The following HS6ST3 variants were observed in gnomAD, a reference collection of about 807,000 sequenced individuals.
The protein encoded by HS6ST3 is heparan sulfate 6-O-sulfotransferase 3, also known as heparan-sulfate 6-O-sulfotransferase 3.
A neutral mutation model predicts 36.7 loss-of-function variants in HS6ST3; 12 were observed. That is an observed-to-expected ratio of 0.33 (90% CI 0.21 to 0.53). The LOEUF is 0.53. Ranked by LOEUF, HS6ST3 falls within the 20% of genes least tolerant of loss-of-function variation. HS6ST3 has a pLI of 0.95. For missense variants in HS6ST3, 584 were observed against 640.9 expected (o/e 0.91, Z 0.96); for synonymous variants, 240 against 257.5 (o/e 0.93, Z 0.65).
At chr13:96,593,264 A>G (rs1268882509) in intron 1 of HS6ST3, among the ~76,000 whole-genome samples, 2 of 129,252 alleles carry the variant, frequency 1.5e-5, no homozygotes, top group Non-Finnish European at 3.1e-5. Flanking sequence ...GTTCACTGCA[A>G]CCTCTGCCTC....
intron 1 of HS6ST3, among the ~76,000 whole-genome samples, chr13:96,682,799 T>C (rs1005623377): frequency 1.3e-5 from 2 of 152,126 alleles, no homozygotes; most frequent in Admixed American, 1.3e-4. Context: ...TTGATGGATT[T>C]TTCCCATGTC....
At chr13:96,744,670 A>C (rs1345265048) in intron 1 of HS6ST3, among the ~76,000 whole-genome samples, 1 of 152,064 alleles carries the variant, frequency 6.6e-6, no homozygotes, top group African/African-American at 2.4e-5. Context: ...TTGATGAACC[A>C]GATTTTTAAT....
chr13:96,477,415 G>A (rs2055869281), intron 1 of HS6ST3, among the ~76,000 whole-genome samples: 1 of 152,192 alleles, frequency 6.6e-6, no homozygotes, highest in African/African-American at 2.4e-5. Flanking sequence ...ACACTAGTGA[G>A]ATTTTATGTT....
chr13:96,825,733 G>A (rs1214472577), intron 1 of HS6ST3, among the ~76,000 whole-genome samples: 1 of 152,212 alleles, frequency 6.6e-6, no homozygotes, highest in Non-Finnish European at 1.5e-5. Context: ...TCCTGCTCCA[G>A]TCTATGCCCT....
chr13:96,181,131 T>G (rs923622173), intron 1 of HS6ST3, among the ~76,000 whole-genome samples: 11 of 152,226 alleles, frequency 7.2e-5, no homozygotes, highest in Non-Finnish European at 1.6e-4. Flanking sequence ...GAGAAATACT[T>G]TATCTTATTA....
chr13:96,229,982 G>A (rs1417806442), intron 1 of HS6ST3, among the ~76,000 whole-genome samples: 2 of 152,178 alleles, frequency 1.3e-5, no homozygotes, highest in Non-Finnish European at 2.9e-5. Flanking sequence ...TACAGTACAT[G>A]CGGAGTTAGG....
chr13:96,701,702 G>A (rs1414992841), intron 1 of HS6ST3, among the ~76,000 whole-genome samples: 3 of 152,156 alleles, frequency 2.0e-5, no homozygotes, highest in African/African-American at 7.2e-5. Flanking sequence ...TCTCACGCCT[G>A]TAGTCCCAGC....
At chr13:96,411,840 TA>T (rs1217128386) in intron 1 of HS6ST3, among the ~76,000 whole-genome samples, 19 of 151,952 alleles carry the variant, frequency 1.3e-4, no homozygotes, top group African/African-American at 3.6e-4. Context: ...GATAGATGAA[TA>T]GGGGGAGTGA....
At chr13:96,693,722 C>T (rs1229598145) in intron 1 of HS6ST3, among the ~76,000 whole-genome samples, 4 of 152,140 alleles carry the variant, frequency 2.6e-5, no homozygotes, top group Non-Finnish European at 2.9e-5. Flanking sequence ...TAGGCAGAGT[C>T]GGTGTGACAC....
chr13:96,723,496 C>T (rs972069399), intron 1 of HS6ST3, among the ~76,000 whole-genome samples: 1 of 152,258 alleles, frequency 6.6e-6, no homozygotes, highest in Non-Finnish European at 1.5e-5. Context: ...CTTGTTAAGC[C>T]GCTGTTATTT....
chr13:96,745,631 T>C (rs911717156), intron 1 of HS6ST3, among the ~76,000 whole-genome samples: 1 of 152,076 alleles, frequency 6.6e-6, no homozygotes, highest in Non-Finnish European at 1.5e-5. Context: ...ACCAGACCTT[T>C]TTGTAAAGGG....
At chr13:96,811,791 A>G (rs1418796321) in intron 1 of HS6ST3, among the ~76,000 whole-genome samples, 1 of 152,258 alleles carries the variant, frequency 6.6e-6, no homozygotes, top group African/African-American at 2.4e-5. Flanking sequence ...AAATTCAAAG[A>G]TGAAAGCATG....
At chr13:96,112,301 A>G in intron 1 of HS6ST3, among the ~76,000 whole-genome samples, 1 of 152,098 alleles carries the variant, frequency 6.6e-6, no homozygotes, top group East Asian at 1.9e-4. Context: ...TGAATTTAAT[A>G]GTTAAAGAAA....
At chr13:96,143,879 G>C (rs2054043731) in intron 1 of HS6ST3, among the ~76,000 whole-genome samples, 1 of 152,152 alleles carries the variant, frequency 6.6e-6, no homozygotes, top group Admixed American at 6.6e-5. Context: ...CAAGTTAGAT[G>C]AGTCAATGTT....
chr13:96,641,728 GT>G (rs1178761872), intron 1 of HS6ST3, among the ~76,000 whole-genome samples: 4 of 151,336 alleles, frequency 2.6e-5, no homozygotes, highest in African/African-American at 9.7e-5. Flanking sequence ...TTATAACAAG[GT>G]AGTTTGGATT....
intron 1 of HS6ST3, among the ~76,000 whole-genome samples, chr13:96,705,654 C>G (rs1258762878): frequency 2.6e-5 from 4 of 152,178 alleles, no homozygotes; most frequent in African/African-American, 9.7e-5. Flanking sequence ...CTCCCTATTT[C>G]TCATCCTCAA....
intron 1 of HS6ST3, among the ~76,000 whole-genome samples, chr13:96,685,857 T>C (rs902314564): frequency 6.6e-6 from 1 of 152,042 alleles, no homozygotes; most frequent in Non-Finnish European, 1.5e-5. Context: ...CATGCCACTT[T>C]CATTCCCTGA....
chr13:96,574,747 C>T (rs538024376), intron 1 of HS6ST3, among the ~76,000 whole-genome samples: 3 of 152,132 alleles, frequency 2.0e-5, no homozygotes, highest in Non-Finnish European at 2.9e-5. Flanking sequence ...GACTGGGGCT[C>T]CTCCCTGACT....
intron 1 of HS6ST3, among the ~76,000 whole-genome samples, chr13:96,453,822 A>C (rs2055741700): frequency 6.6e-6 from 1 of 152,144 alleles, no homozygotes; most frequent in African/African-American, 2.4e-5. Flanking sequence ...TAATCTGAAA[A>C]ATTTAAATAT....
Sources: gnomAD v4.1 joint callset for allele counts (sites outside exome capture counted in the v4.1 genomes callset) on GRCh38, gnomAD v4.1.1 for gene constraint, MANE v1.5 for transcripts, NCBI Gene and HGNC (gene_info 2026-07-23, HGNC 2026-07-21) for gene names.